Variants in BAIAP2L2 observed in about 807,000 individuals in gnomAD.
BAIAP2L2 encodes BAR/IMD domain-containing adapter protein 2-like 2.
Under a neutral mutation model 60.4 loss-of-function variants are expected in BAIAP2L2, and 65 were observed. The ratio of observed to expected loss-of-function variants is 1.08; its 90% CI spans 0.88 to 1.32. The LOEUF is 1.32. BAIAP2L2 is among the 40% of genes most tolerant of loss of function. The pLI is 0.00. For synonymous variants in BAIAP2L2, 344 were observed against 301.7 expected (o/e 1.14, Z -1.45); for missense variants, 836 against 741.2 (o/e 1.13, Z -1.48).
At position 38,089,102 on chromosome 22, in the gene BAIAP2L2, A is replaced by ACGG. The variant is rs2086196197; in HGVS notation, c.892_894dup (p.Pro298dup). ...CCGGGGCGGGGGCACTCACAGGCCGACGGCGTGCGGGGCAGGGAGCGACGG... is the reference window on the plus strand; with the variant it reads ...CCGGGGCGGGGGCACTCACAGGCCGACGGCGGCGTGCGGGGCAGGGAGCGACGG... On this transcript the variant is annotated inframe_insertion, in exon 9 of 14. Transcript: ENST00000381669. 7.3e-7 allele frequency: 1 copy of ACGG among 1,375,180 alleles called. No homozygotes were observed. The highest frequency in any genetic ancestry group is 9.3e-7 in the Non-Finnish European group (1 of 1,070,804). 85.2% of individuals were successfully genotyped at this position (1,375,180 alleles called of 1,614,324 possible). A position where few individuals can be genotyped will look rare whatever the true frequency, so the allele number is the denominator to read the frequency against.
Position 38,110,610 on chromosome 22 carries a change from T to A in BAIAP2L2, c.-85A>T. 8.7e-7 allele frequency: 1 copy of A among 1,144,068 alleles called. No individual in the cohort carries two copies. Among genetic ancestry groups the A allele is most frequent in the South Asian group, 1.5e-5 (1 of 65,102 alleles). The allele number at this position is 1,144,068 out of a possible 1,614,324, so 70.9% of individuals were successfully genotyped here. A position where few individuals can be genotyped will look rare whatever the true frequency, so the allele number is the denominator to read the frequency against. ...GAGCAGTGGTAGGTAGTCCCTCAGG[T>A]GCCCACGACTCAGCTGGCAGCGAGG... On this transcript the variant is annotated 5_prime_UTR_variant, in exon 1 of 14. Coordinates refer to ENST00000381669, the MANE Select transcript of BAIAP2L2 (RefSeq NM_025045.6).
chr22:38,108,947 G>T (rs780553203), intron 2 of BAIAP2L2, among the ~76,000 whole-genome samples, 186 bp downstream of exon 2: 7 of 151,928 alleles, frequency 4.6e-5, no homozygotes, highest in Non-Finnish European at 8.8e-5. Flanking sequence ...GGGGTGCGTG[G>T]GCACAGGAGA....
At chr22:38,098,895 T>A (rs2086505854) in intron 4 of BAIAP2L2, among the ~76,000 whole-genome samples, 2 of 152,174 alleles carry the variant, frequency 1.3e-5, no homozygotes, top group African/African-American at 2.4e-5. Context: ...GCACATTTGT[T>A]CCTTCGTTGT....
intron 7 of BAIAP2L2, 60 bp downstream of exon 7, chr22:38,096,972 C>T: frequency 6.4e-7 from 1 of 1,551,844 alleles, no homozygotes; most frequent in Non-Finnish European, 8.7e-7. Flanking sequence ...CTATGTACGG[C>T]CACTCAGGAG....
chr22:38,107,947 G>T, intron 3 of BAIAP2L2, 34 bp from the exon 4 acceptor site: 2 of 1,607,564 alleles, frequency 1.2e-6, no homozygotes, highest in Non-Finnish European at 1.7e-6. Flanking sequence ...GCTTTGGTGT[G>T]TGGCAGCCTG....
chr22:38,086,541 A>T, intron 11 of BAIAP2L2, 92 bp from the exon 12 acceptor site: 1 of 980,108 alleles, frequency 1.0e-6, no homozygotes, highest in East Asian at 2.8e-5. Flanking sequence ...GGCAGGAGGC[A>T]TCCGACAGCT....
chr22:38,088,604 G>C, intron 10 of BAIAP2L2, 144 bp downstream of exon 10: 1 of 766,700 alleles, frequency 1.3e-6, no homozygotes, highest in Non-Finnish European at 2.0e-6. Context: ...AACTGAGGCA[G>C]GGTGCGGGGG....
At position 38,097,191 on chromosome 22, in the gene BAIAP2L2, G is replaced by C. The variant is rs370989222; in HGVS notation, c.466-13C>G. The C allele has an allele frequency of 6.2e-7, 1 of 1,609,510 alleles. No individual in the cohort carries two copies. The highest frequency in any genetic ancestry group is 1.1e-5 in the South Asian group (1 of 91,020). On this transcript the variant is annotated splice_polypyrimidine_tract_variant and intron_variant, in intron 6 of 13. Transcript: ENST00000381669. Reference sequence around the variant, plus strand: ...GGTTCACACTCTCCTGGGGGGGAACGGGAGTTCTGGCTGGGGGCGGTGGGT... The same window carrying C: ...GGTTCACACTCTCCTGGGGGGGAACCGGAGTTCTGGCTGGGGGCGGTGGGT...
intron 2 of BAIAP2L2, 47 bp downstream of exon 2, chr22:38,109,086 C>G (rs780034235): frequency 8.6e-6 from 13 of 1,513,604 alleles, no homozygotes; most frequent in Non-Finnish European, 1.1e-5. Context: ...TGGGTGGGAA[C>G]AGCAGAGGCC....
At chr22:38,092,296 A>C (rs891333213) in intron 7 of BAIAP2L2, among the ~76,000 whole-genome samples, 29 of 152,222 alleles carry the variant, frequency 1.9e-4, no homozygotes, top group Middle Eastern at 3.4e-3. Context: ...TTTGAGAGAG[A>C]GAGCGAGCCT....
chr22:38,088,822 A>C lies in BAIAP2L2; in HGVS notation c.1044T>G (p.Ala348=). 6.2e-7 allele frequency: 1 copy of C among 1,600,384 alleles called. No homozygotes were observed. Among genetic ancestry groups the C allele is most frequent in the East Asian group, 2.2e-5 (1 of 44,820 alleles). ...GANHTLLRFS[A]GDVVEVLVPE... is the part of the protein sequence containing the mutation. Reference sequence around the variant, plus strand: ...GCACCAACACCTCCACCACGTCCCCAGCGGAGAAGCGCAGCAGCGTGTGGT... The same window carrying C: ...GCACCAACACCTCCACCACGTCCCCCGCGGAGAAGCGCAGCAGCGTGTGGT... The change falls in exon 10 of 14, where the codon GCT becomes GCG. Residue 348 remains alanine, a synonymous_variant. Coordinates refer to ENST00000381669, the MANE Select transcript of BAIAP2L2 (RefSeq NM_025045.6).
chr22:38,105,015 T>C (rs974221542), intron 4 of BAIAP2L2, among the ~76,000 whole-genome samples: 1 of 152,180 alleles, frequency 6.6e-6, no homozygotes, highest in African/African-American at 2.4e-5. Context: ...TGCCTAATAA[T>C]GATTCATTAC....
intron 4 of BAIAP2L2, among the ~76,000 whole-genome samples, chr22:38,107,312 A>G (rs73421953): frequency 0.032 from 4,897 of 152,158 alleles, 278 homozygotes; most frequent in African/African-American, 0.11. Flanking sequence ...CTAGGCTGAG[A>G]GGACAGCAGG....
Position 38,088,754 on chromosome 22 carries a change from G to T in BAIAP2L2, c.1112C>A (p.Ser371Ter). The T allele has an allele frequency of 6.3e-7, 1 of 1,595,758 alleles. No homozygotes were observed. The highest frequency in any genetic ancestry group is 8.5e-7 in the Non-Finnish European group (1 of 1,177,722). Reference protein sequence around the residue: ...NGWLYGKLEGSSASGWFPEAY... With the variant: ...NGWLYGKLEG ...CTCCAAGGCTCCCACTCACGCGGACGAGCCCTCCAGCTTGCCGTAGAGCCA... is the reference window on the plus strand; with the variant it reads ...CTCCAAGGCTCCCACTCACGCGGACTAGCCCTCCAGCTTGCCGTAGAGCCA... Residue 371 changes from serine to a stop codon, truncating the protein, a stop_gained, in exon 10 of 14, where the codon TCG becomes TAG. Transcript: ENST00000381669. LOFTEE classifies it high-confidence loss of function.
At chr22:38,095,146 G>A (rs984530376) in intron 7 of BAIAP2L2, among the ~76,000 whole-genome samples, 4 of 152,092 alleles carry the variant, frequency 2.6e-5, no homozygotes, top group Admixed American at 6.6e-5. Flanking sequence ...GCAAGACTCC[G>A]TCTCAAAATA....
In BAIAP2L2 at chr22:38,107,866, C is replaced by T. The variant is rs779847282; in HGVS notation, c.262G>A (p.Asp88Asn). ...CTGATACTCACCACCACCTCCAGGT[C>T]AGAGTTCAAGTGCCGCTGGGTGTCA... ...MSDTQRHLNS[D>N]LEVVVQTFHG... The change falls in exon 4 of 14, where the codon GAC becomes AAC. Residue 88 changes from aspartate (D) to asparagine (N), a missense_variant. Transcript: ENST00000381669. 1.2e-6 allele frequency: 2 copies of T among 1,613,550 alleles called. No homozygotes were observed. Among genetic ancestry groups the T allele is most frequent in the Admixed American group, 1.7e-5 (1 of 60,018 alleles).
chr22:38,108,142 G>A, intron 3 of BAIAP2L2, 113 bp downstream of exon 3: 1 of 1,106,752 alleles, frequency 9.0e-7, no homozygotes, highest in Admixed American at 2.3e-5. Context: ...ACAAGAGTCT[G>A]GCTCTGGGCC....
At chr22:38,102,363 G>A (rs779355905) in intron 4 of BAIAP2L2, among the ~76,000 whole-genome samples, 31 of 152,086 alleles carry the variant, frequency 2.0e-4, no homozygotes, top group African/African-American at 7.2e-4. Flanking sequence ...AACGGAACCA[G>A]GAAATTGCAG....
At chr22:38,085,664 G>A (rs1269679374) in intron 13 of BAIAP2L2, 22 bp downstream of exon 13, 16 of 1,611,860 alleles carry the variant, frequency 9.9e-6, no homozygotes, top group Non-Finnish European at 1.1e-5. Flanking sequence ...CTCACTGTTT[G>A]GGCCCCCATG....
Sources: gnomAD v4.1 joint callset for allele counts (sites outside exome capture counted in the v4.1 genomes callset) on GRCh38, gnomAD v4.1.1 for gene constraint, MANE v1.5 for transcripts, NCBI Gene and HGNC (gene_info 2026-07-23, HGNC 2026-07-21) for gene names.